The following FOXJ2 variants were observed in gnomAD, a reference collection of about 807,000 sequenced individuals.
The protein encoded by FOXJ2 is forkhead box J2.
A neutral mutation model predicts 68.4 loss-of-function variants in FOXJ2; 18 were observed. The observed-to-expected ratio is 0.26, with a 90% CI of 0.18 to 0.39. The LOEUF is 0.39. Among genes scored for constraint, FOXJ2 ranks in the 10% least tolerant of loss-of-function variants. The probability of loss-of-function intolerance (pLI) is 1.00; values close to 1 mark genes in which losing one functional copy is unlikely to be tolerated. For synonymous variants in FOXJ2, 274 were observed against 263.2 expected (o/e 1.04, Z -0.40); for missense variants, 670 against 726.5 (o/e 0.92, Z 0.89).
At position 8,045,097 on chromosome 12, in the gene FOXJ2, G is replaced by A. The variant is rs946082443; in HGVS notation, c.817+139G>A. ...CTCACTCTTTCGTCCAAGCTGGAGT[G>A]CAGTGGCACGATCTGAGCTCACTGC... On this transcript the variant is annotated intron_variant, in intron 6 of 10. Transcript: ENST00000162391. 4.1e-5 allele frequency: 34 copies of A among 822,776 alleles called. No individual in the cohort carries two copies. In the East Asian group the frequency reaches 7.9e-4, roughly 19 times the overall value. The allele number at this position is 822,776 out of a possible 1,614,324, so 51.0% of individuals were successfully genotyped here.
chr12:8,050,335 T>C, intron 9 of FOXJ2, 187 bp from the exon 10 acceptor site: 1 of 1,364,030 alleles, frequency 7.3e-7, no homozygotes, highest in Non-Finnish European at 9.4e-7. Context: ...ACTATCCATT[T>C]CTTTTTACCC....
At chr12:8,049,952 C>A (rs1947093329) in intron 9 of FOXJ2, 1 of 283,530 alleles carries the variant, frequency 3.5e-6, no homozygotes, top group African/African-American at 2.2e-5. Context: ...AGAGAGATGT[C>A]ATGATTATGT....
At chr12:8,036,549 C>G (rs1455781723) in intron 1 of FOXJ2, among the ~76,000 whole-genome samples, 5 of 144,750 alleles carry the variant, frequency 3.5e-5, no homozygotes, top group Non-Finnish European at 7.3e-5. Context: ...GCCCAAGCCC[C>G]GTGGCACAGG....
intron 9 of FOXJ2, chr12:8,050,312 A>C: frequency 7.7e-7 from 1 of 1,290,680 alleles, no homozygotes. Flanking sequence ...TATCTTTCCT[A>C]TTTCACAATT....
Position 8,052,797 on chromosome 12 carries a change from C to G in FOXJ2, c.1672C>G (p.Pro558Ala). The G allele has an allele frequency of 6.2e-7, 1 of 1,610,974 alleles. No individual in the cohort carries two copies. Among genetic ancestry groups the G allele is most frequent in the Non-Finnish European group, 8.5e-7 (1 of 1,178,372 alleles). ...HMVPRPSVPP[P>A]GANEEIPDDF... Reference sequence around the variant, plus strand: ...GGTCCCTCGGCCATCAGTGCCACCTCCTGGTGCCAATGAGGAGATCCCTGA... The same window carrying G: ...GGTCCCTCGGCCATCAGTGCCACCTGCTGGTGCCAATGAGGAGATCCCTGA... Residue 558 changes from proline to alanine, a missense_variant, in exon 11 of 11, where the codon CCT becomes GCT. Coordinates refer to ENST00000162391, the MANE Select transcript of FOXJ2 (RefSeq NM_018416.3).
At position 8,050,599 on chromosome 12, in the gene FOXJ2, T is replaced by C. The variant is rs768972455; in HGVS notation, c.1615T>C (p.Ser539Pro). ...SPMYPIPTQDSAGYNRPAHHM... is the reference protein window; with the variant it reads ...SPMYPIPTQDPAGYNRPAHHM... ...AATGTACCCAATCCCCACCCAGGAC[T>C]CAGCAGGATACAATCGCCCAGGTAA... The change falls in exon 10 of 11, where the codon TCA (serine) becomes CCA (proline). Residue 539 changes from serine to proline, a missense_variant. Ser to Pro is a moderately conservative substitution (Grantham distance 74). This residue lies in a region of FOXJ2 where 555 missense variants were observed against 562.2 expected (regional missense o/e 0.99). Coordinates refer to ENST00000162391, the MANE Select transcript of FOXJ2 (RefSeq NM_018416.3). 1 of 1,613,778 alleles carries C rather than the reference T, an allele frequency of 6.2e-7. No homozygotes were observed.
Position 8,035,830 on chromosome 12 carries a change from G to GATGAT in FOXJ2, c.-15+1999_-15+2003dup, listed in dbSNP as rs1946888142. 6.6e-6 allele frequency among the ~76,000 whole-genome samples: 1 copy of GATGAT among 152,138 alleles called. No homozygotes were observed. The highest frequency in any genetic ancestry group is 2.4e-5 in the African/African-American group (1 of 41,416). On this transcript the variant is annotated intron_variant, in intron 1 of 10. Transcript: ENST00000162391. This position sits in a 1 kb window ranked among gnomAD's most constrained non-coding sequence, Gnocchi z 4.0. The stretch of plus-strand genomic sequence containing the variant: ...ACCTAGTTCCCCCGGGAAGATAAGA[G>GATGAT]ATGATAGTTCCTCATTCCTTCATCC...
At position 8,035,934 on chromosome 12, in the gene FOXJ2, C is replaced by T. The variant is rs748366928; in HGVS notation, c.-15+2101C>T. Among the ~76,000 whole-genome samples, 7 of 152,196 alleles carry T rather than the reference C, an allele frequency of 4.6e-5. No individual in the cohort carries two copies. Among genetic ancestry groups the T allele is most frequent in the African/African-American group, 7.2e-5 (3 of 41,440 alleles). ...AGGAAAAGTTTGAGATTCTGACATC[C>T]TGAAAACCATTGCAGATGCAGTGCA... is the stretch of plus-strand genomic sequence containing the variant. On this transcript the variant is annotated intron_variant, in intron 1 of 10. Transcript: ENST00000162391. The surrounding 1 kb of genome is among the most constrained non-coding windows in gnomAD (Gnocchi z 4.0).
chr12:8,043,837 C>T (rs372290958), intron 4 of FOXJ2, 68 bp downstream of exon 4: 150 of 1,609,306 alleles, frequency 9.3e-5, no homozygotes, highest in African/African-American at 6.4e-4. Flanking sequence ...CTCTTATGGA[C>T]GTTCAGTCCT....
chr12:8,052,401 G>A (rs965942208), intron 10 of FOXJ2, among the ~76,000 whole-genome samples: 1 of 151,942 alleles, frequency 6.6e-6, no homozygotes, highest in African/African-American at 2.4e-5. Context: ...TGAGTTTTTA[G>A]TAGAGATGGG....
At chr12:8,050,871 T>TCCCTTCCCCTC (rs1947110672) in intron 10 of FOXJ2, among the ~76,000 whole-genome samples, 1 of 80,846 alleles carries the variant, frequency 1.2e-5, no homozygotes, top group Admixed American at 1.5e-4. Flanking sequence ...CCCTTCCCCT[T>TCCCTTCCCCTC]CCCTTCCCCT....
In FOXJ2 at chr12:8,039,859, C is replaced by T. The variant is rs751635111; in HGVS notation, c.27C>T (p.Leu9=). MASDLESS[L]TSIDWLPQLT... is the part of the protein sequence containing the mutation. ...TGGCTTCTGACCTAGAGAGTAGCCT[C>T]ACCTCCATAGACTGGCTCCCCCAGC... is the stretch of plus-strand genomic sequence containing the variant. The change falls in exon 2 of 11, where the codon CTC becomes CTT. Residue 9 remains leucine (L), a synonymous_variant. Transcript: ENST00000162391. 1.4e-5 allele frequency: 23 copies of T among 1,613,966 alleles called. No homozygotes were observed. Among genetic ancestry groups the T allele is most frequent in the Admixed American group, 1.0e-4 (6 of 60,000 alleles).
At position 8,053,801 on chromosome 12, in the gene FOXJ2, C is replaced by T. The variant is rs1052388342; in HGVS notation, c.*951C>T. ...TATTTGCATTTACGAATGATCTTCC[C>T]ATCCCTTTTTCCCATTCAGCAAATA... On this transcript the variant is annotated 3_prime_UTR_variant, in exon 11 of 11. Transcript: ENST00000162391. The surrounding 1 kb of genome is among the most constrained non-coding windows in gnomAD (Gnocchi z 4.1). 2 of 152,186 alleles carry T rather than the reference C, an allele frequency of 1.3e-5. No individual in the cohort carries two copies. The highest frequency in any genetic ancestry group is 4.8e-5 in the African/African-American group (2 of 41,440). 9.4% of individuals were successfully genotyped at this position (152,186 alleles called of 1,614,324 possible).
At chr12:8,034,649 G>A (rs768532100) in intron 1 of FOXJ2, among the ~76,000 whole-genome samples, 2 of 152,150 alleles carry the variant, frequency 1.3e-5, no homozygotes, top group Non-Finnish European at 2.9e-5. Flanking sequence ...CTGCTGCTCC[G>A]CTTCTGTCCA....
In FOXJ2 at chr12:8,049,416, A is replaced by G. The variant is rs1412400848; in HGVS notation, c.1382A>G (p.His461Arg). ...CAGAAGAACTGGACCCTCGACCAGCATCACATTGCCAATCTGTGTGACTCC... is the reference window on the plus strand; with the variant it reads ...CAGAAGAACTGGACCCTCGACCAGCGTCACATTGCCAATCTGTGTGACTCC... ...AEQKNWTLDQ[H>R]HIANLCDSLN... is the part of the protein sequence containing the mutation. The change falls in exon 9 of 11, where the codon CAT (histidine) becomes CGT (arginine). Residue 461 changes from histidine to arginine, a missense_variant. By Grantham distance (29) the His-to-Arg change is conservative. This residue lies in a region of FOXJ2 where 555 missense variants were observed against 562.2 expected (regional missense o/e 0.99). Coordinates refer to ENST00000162391, the MANE Select transcript of FOXJ2 (RefSeq NM_018416.3). The G allele has an allele frequency of 1.9e-6, 3 of 1,614,148 alleles. No individual in the cohort carries two copies. The Admixed American group carries it at 5.0e-5, about 27-fold the overall frequency.
chr12:8,039,418 C>G (rs139197580), intron 1 of FOXJ2, among the ~76,000 whole-genome samples: 1 of 152,276 alleles, frequency 6.6e-6, no homozygotes, highest in African/African-American at 2.4e-5. Context: ...GAAAATATAA[C>G]AGGTGTCACA....
chr12:8,048,087 A>G lies in FOXJ2; in HGVS notation c.1023A>G (p.Thr341=), dbSNP rs1402505581. 6.2e-7 allele frequency: 1 copy of G among 1,612,134 alleles called. No individual in the cohort carries two copies. Residue 341 remains threonine (T), a synonymous_variant, in exon 7 of 11, where the codon ACA becomes ACG. Transcript: ENST00000162391. ...GGAPPLHTPS[T]DGCTPPGGKQ... ...CTCCTCCACTGCACACCCCAAGCACAGATGGTTGTACCCCACCAGGGGGAA... is the reference window on the plus strand; with the variant it reads ...CTCCTCCACTGCACACCCCAAGCACGGATGGTTGTACCCCACCAGGGGGAA...
Position 8,053,014 on chromosome 12 carries a change from A to T in FOXJ2, c.*164A>T. 5.1e-6 allele frequency: 2 copies of T among 389,448 alleles called. No individual in the cohort carries two copies. The highest frequency in any genetic ancestry group is 7.6e-5 in the South Asian group (1 of 13,080). 24.1% of individuals were successfully genotyped at this position (389,448 alleles called of 1,614,324 possible). On this transcript the variant is annotated 3_prime_UTR_variant, in exon 11 of 11. Coordinates refer to ENST00000162391, the MANE Select transcript of FOXJ2 (RefSeq NM_018416.3). This position sits in a 1 kb window ranked among gnomAD's most constrained non-coding sequence, Gnocchi z 4.1. ...CCACTGCAAGATGCTGCCGAAGATA[A>T]CCCTCTCTTTCCTGCCTCATTCTTC...
chr12:8,033,018 G>T lies in FOXJ2; in HGVS notation c.-830G>T. The T allele has an allele frequency of 2.5e-6, 1 of 396,666 alleles. No individual in the cohort carries two copies. Among genetic ancestry groups the T allele is most frequent in the Non-Finnish European group, 4.4e-6 (1 of 225,322 alleles). 24.6% of individuals were successfully genotyped at this position (396,666 alleles called of 1,614,324 possible). ...CGGGAGCGGAGGCGGGAGCGGGGAC[G>T]CGAGCAACCTCTCCCCCTGTTGGAG... On this transcript the variant is annotated 5_prime_UTR_variant, in exon 1 of 11. Coordinates refer to ENST00000162391, the MANE Select transcript of FOXJ2 (RefSeq NM_018416.3).
Sources: gnomAD v4.1 joint callset for allele counts (sites outside exome capture counted in the v4.1 genomes callset) on GRCh38, gnomAD v4.1.1 for gene constraint, gnomAD v4.1.1 regional missense constraint, Gnocchi (gnomAD v3.1) non-coding constraint, MANE v1.5 for transcripts, NCBI Gene and HGNC (gene_info 2026-07-23, HGNC 2026-07-21) for gene names.